ARHGAP35: variants seen among roughly 807,000 people sequenced by gnomAD.
ARHGAP35 encodes rho GTPase-activating protein 35.
Under a neutral mutation model 111.1 loss-of-function variants are expected in ARHGAP35, and 15 were observed. That is an observed-to-expected ratio of 0.13 (90% CI 0.09 to 0.21). The LOEUF (loss-of-function observed/expected upper bound fraction) is 0.21. ARHGAP35 is among the 10% of genes least tolerant of loss of function. The probability of loss-of-function intolerance (pLI) is 1.00; values close to 1 mark genes in which losing one functional copy is unlikely to be tolerated. For synonymous variants in ARHGAP35, 643 were observed against 710.3 expected (o/e 0.91, Z 1.51); for missense variants, 1,262 against 1,873.0 (o/e 0.67, Z 6.02).
chr19:46,930,938 A>T (rs1402375811), intron 2 of ARHGAP35, among the ~76,000 whole-genome samples: 1 of 152,108 alleles, frequency 6.6e-6, no homozygotes, highest in Non-Finnish European at 1.5e-5. Context: ...ATTAAAAAAA[A>T]ACAAACCAAG....
chr19:46,872,196 G>A (rs2055891345), intron 1 of ARHGAP35, among the ~76,000 whole-genome samples: 1 of 152,096 alleles, frequency 6.6e-6, no homozygotes. Flanking sequence ...GTGGGAAAGT[G>A]CACACAAAAT....
At chr19:46,867,601 G>T (rs1447885524) in intron 1 of ARHGAP35, among the ~76,000 whole-genome samples, 1 of 152,128 alleles carries the variant, frequency 6.6e-6, no homozygotes, top group Non-Finnish European at 1.5e-5. Context: ...AATAATACTT[G>T]ATTGTCATCT....
In ARHGAP35 at chr19:46,992,303, C is replaced by T. The variant is rs1258188082; in HGVS notation, c.4036+2628C>T. Among the ~76,000 whole-genome samples, 3 of 152,164 alleles carry T rather than the reference C, an allele frequency of 2.0e-5. No individual in the cohort carries two copies. The East Asian group carries it at 5.8e-4, about 29-fold the overall frequency. ...GTCACACCGCTAGGGAGTGGCAAGCCGGGGCTTGAGTCCCTGCGTACGTGG... is the reference window on the plus strand; with the variant it reads ...GTCACACCGCTAGGGAGTGGCAAGCTGGGGCTTGAGTCCCTGCGTACGTGG... On this transcript the variant is annotated intron_variant, in intron 5 of 6. Transcript: ENST00000672722. This position sits in a 1 kb window ranked among gnomAD's most constrained non-coding sequence, Gnocchi z 4.4.
chr19:46,941,632 G>T (rs2056347542), intron 3 of ARHGAP35, among the ~76,000 whole-genome samples: 2 of 149,894 alleles, frequency 1.3e-5, no homozygotes, highest in Non-Finnish European at 3.0e-5. Flanking sequence ...CTGGAGTGCA[G>T]TGGTGCAGTC....
Position 46,988,143 on chromosome 19 carries a change from G to A in ARHGAP35, c.3904+77G>A. 2.1e-6 allele frequency: 3 copies of A among 1,418,644 alleles called. No homozygotes were observed. Among genetic ancestry groups the A allele is most frequent in the Non-Finnish European group, 2.9e-6 (3 of 1,023,088 alleles). The allele number at this position is 1,418,644 out of a possible 1,614,324, so 87.9% of individuals were successfully genotyped here. A position where few individuals can be genotyped will look rare whatever the true frequency, so the allele number is the denominator to read the frequency against. On this transcript the variant is annotated intron_variant, in intron 4 of 6. Coordinates refer to ENST00000672722, the MANE Select transcript of ARHGAP35 (RefSeq NM_004491.5). The surrounding 1 kb of genome is among the most constrained non-coding windows in gnomAD (Gnocchi z 5.4). ...ACAGCTGCCTCGGTGAACTGTCTGT[G>A]GGGCTTCGGAGCACTCCTGCCAGCA...
intron 1 of ARHGAP35, among the ~76,000 whole-genome samples, chr19:46,895,566 A>G (rs568158715): frequency 7.5e-4 from 115 of 152,328 alleles, no homozygotes; most frequent in Admixed American, 1.4e-3. Context: ...AAGTAAAATG[A>G]TATCCTTAAT....
At position 46,921,850 on chromosome 19, in the gene ARHGAP35, T is replaced by C. The variant is rs748970779; in HGVS notation, c.3175T>C (p.Leu1059=). The part of the protein sequence containing the change: ...FEITKGDLSY[L]DQGHRDGQRK... Reference sequence around the variant, plus strand: ...AATTACAAAGGGGGATCTATCTTATTTAGACCAAGGCCATAGGGATGGACA... The same window carrying C: ...AATTACAAAGGGGGATCTATCTTATCTAGACCAAGGCCATAGGGATGGACA... The change falls in exon 2 of 7, where the codon TTA becomes CTA. Residue 1059 remains leucine (L), a synonymous_variant. Coordinates refer to ENST00000672722, the MANE Select transcript of ARHGAP35 (RefSeq NM_004491.5). This position sits in a 1 kb window ranked among gnomAD's most constrained non-coding sequence, Gnocchi z 4.3. 1 of 1,613,902 alleles carries C rather than the reference T, an allele frequency of 6.2e-7. No homozygotes were observed. Among genetic ancestry groups the C allele is most frequent in the African/African-American group, 1.3e-5 (1 of 74,928 alleles).
chr19:46,875,037 C>T (rs937574216), intron 1 of ARHGAP35, among the ~76,000 whole-genome samples: 1 of 151,870 alleles, frequency 6.6e-6, no homozygotes, highest in African/African-American at 2.4e-5. Context: ...GTCTCGAACT[C>T]CTGACCTTGT....
At chr19:46,987,067 A>G (rs1334581847) in intron 3 of ARHGAP35, among the ~76,000 whole-genome samples, 2 of 151,798 alleles carry the variant, frequency 1.3e-5, no homozygotes, top group Non-Finnish European at 2.9e-5. Context: ...ACCTCAGGCT[A>G]TCCACCCACC....
intron 3 of ARHGAP35, among the ~76,000 whole-genome samples, chr19:46,955,623 C>T (rs986165584): frequency 6.6e-6 from 1 of 152,062 alleles, no homozygotes; most frequent in African/African-American, 2.4e-5. Flanking sequence ...GGTTTCTTTC[C>T]ATCACCCGGG....
chr19:46,896,040 T>G (rs991762556), intron 1 of ARHGAP35, among the ~76,000 whole-genome samples: 1 of 152,004 alleles, frequency 6.6e-6, no homozygotes, highest in African/African-American at 2.4e-5. Context: ...AAGCAGAGGT[T>G]TCAGTGAGCC....
intron 2 of ARHGAP35, among the ~76,000 whole-genome samples, chr19:46,929,309 T>C (rs1315621209): frequency 1.3e-5 from 2 of 152,164 alleles, no homozygotes; most frequent in Non-Finnish European, 1.5e-5. Flanking sequence ...TGGAACTCTT[T>C]TGGAAATAGA....
In ARHGAP35 at chr19:46,965,212, C is replaced by T. The variant is rs111954283; in HGVS notation, c.3827-22777C>T. Among the ~76,000 whole-genome samples, 743 of 152,188 alleles carry T rather than the reference C, an allele frequency of 4.9e-3. 7 individuals carry two copies. The highest frequency in any genetic ancestry group is 0.017 in the African/African-American group (712 of 41,538). ...CCTGTAATCCCAGCTACTCAGGAGGCTGAAGCAGGAGAATCGCTGGAACCC... is the reference window on the plus strand; with the variant it reads ...CCTGTAATCCCAGCTACTCAGGAGGTTGAAGCAGGAGAATCGCTGGAACCC... On this transcript the variant is annotated intron_variant, in intron 3 of 6. Transcript: ENST00000672722.
intron 3 of ARHGAP35, among the ~76,000 whole-genome samples, chr19:46,977,032 C>T (rs368768365): frequency 2.6e-5 from 4 of 152,212 alleles, no homozygotes; most frequent in African/African-American, 4.8e-5. Context: ...TCTTCTCCTC[C>T]GTGTTACACT....
At position 46,921,260 on chromosome 19, in the gene ARHGAP35, A is replaced by G. The variant is rs753731428; in HGVS notation, c.2585A>G (p.Lys862Arg). 6.2e-7 allele frequency: 1 copy of G among 1,613,874 alleles called. No individual in the cohort carries two copies. The highest frequency in any genetic ancestry group is 1.3e-5 in the African/African-American group (1 of 74,902). Residue 862 changes from lysine (K) to arginine (R), a missense_variant, in exon 2 of 7, where the codon AAA becomes AGA. Physicochemically the swap from Lys to Arg is conservative, Grantham distance 26. Coordinates refer to ENST00000672722, the MANE Select transcript of ARHGAP35 (RefSeq NM_004491.5). This position sits in a 1 kb window ranked among gnomAD's most constrained non-coding sequence, Gnocchi z 4.3. ...VHGYIVFYSA[K>R]RKASLAMLRA... Reference sequence around the variant, plus strand: ...GGGTACATTGTTTTTTATTCAGCCAAACGTAAGGCCTCTTTGGCTATGTTA... The same window carrying G: ...GGGTACATTGTTTTTTATTCAGCCAGACGTAAGGCCTCTTTGGCTATGTTA...
intron 1 of ARHGAP35, among the ~76,000 whole-genome samples, chr19:46,888,984 A>G (rs1599800572): frequency 6.7e-6 from 1 of 150,176 alleles, no homozygotes; most frequent in African/African-American, 2.4e-5. Context: ...TGGGTGGCAG[A>G]GCGAGACTCC....
intron 3 of ARHGAP35, among the ~76,000 whole-genome samples, chr19:46,954,975 C>T (rs1385415340): frequency 6.6e-6 from 1 of 152,176 alleles, no homozygotes; most frequent in Non-Finnish European, 1.5e-5. Context: ...ACTTACTTCT[C>T]CGTAACCCAT....
chr19:46,888,285 TA>T (rs2056004113), intron 1 of ARHGAP35, among the ~76,000 whole-genome samples: 1 of 56,498 alleles, frequency 1.8e-5, no homozygotes, highest in East Asian at 4.7e-4. Flanking sequence ...TATATATATA[TA>T]TATATATATA....
In ARHGAP35 at chr19:47,001,472, C is replaced by CGGGA; in HGVS notation, c.*795_*798dup. ...GATTCCACTCTGTGCCCGCCTCTGC[C>CGGGA]GGGAGGGAGGGAGGCACACAGGTGG... On this transcript the variant is annotated 3_prime_UTR_variant, in exon 7 of 7. Transcript: ENST00000672722. The surrounding 1 kb of genome is among the most constrained non-coding windows in gnomAD (Gnocchi z 5.4). 1.7e-6 allele frequency: 2 copies of CGGGA among 1,158,752 alleles called. No individual in the cohort carries two copies. The highest frequency in any genetic ancestry group is 2.3e-6 in the Non-Finnish European group (2 of 874,470). 71.8% of individuals were successfully genotyped at this position (1,158,752 alleles called of 1,614,324 possible).
Sources: gnomAD v4.1 joint callset for allele counts (sites outside exome capture counted in the v4.1 genomes callset) on GRCh38, gnomAD v4.1.1 for gene constraint, Gnocchi (gnomAD v3.1) non-coding constraint, MANE v1.5 for transcripts, NCBI Gene and HGNC (gene_info 2026-07-23, HGNC 2026-07-21) for gene names.